The following IMPA1 variants were observed in gnomAD, a reference collection of about 807,000 sequenced individuals.
IMPA1 encodes the protein inositol monophosphatase 1.
A neutral mutation model predicts 34.9 loss-of-function variants in IMPA1; 21 were observed. The observed-to-expected ratio is 0.60, with a 90% CI of 0.43 to 0.87. The LOEUF (loss-of-function observed/expected upper bound fraction) is 0.87, where lower values mean the gene tolerates loss of function less well. Ranked by LOEUF, IMPA1 falls within the 40% of genes least tolerant of loss-of-function variation. The pLI is 0.00. For missense variants in IMPA1, 299 were observed against 336.4 expected (o/e 0.89, Z 0.87); for synonymous variants, 95 against 104.4 (o/e 0.91, Z 0.55).
chr8:81,662,608 A>G (rs1229866099), intron 7 of IMPA1, among the ~76,000 whole-genome samples: 5 of 152,214 alleles, frequency 3.3e-5, no homozygotes, highest in East Asian at 3.8e-4. Context: ...AACATGGCAC[A>G]TTGTAAAAAG....
intron 2 of IMPA1, 64 bp from the exon 3 acceptor site, chr8:81,680,847 T>C (rs1807278945): frequency 1.6e-6 from 2 of 1,221,516 alleles, no homozygotes; most frequent in African/African-American, 1.5e-5. Flanking sequence ...ATAAAATACA[T>C]AAATGGTTTA....
At chr8:81,675,589 T>G (rs1807108613) in intron 5 of IMPA1, among the ~76,000 whole-genome samples, 1 of 152,224 alleles carries the variant, frequency 6.6e-6, no homozygotes, top group Non-Finnish European at 1.5e-5. Flanking sequence ...GTGTTTTATA[T>G]TCAGAAATGT....
Position 81,673,706 on chromosome 8 carries a change from CA to C in IMPA1, c.457+134del, listed in dbSNP as rs562290806. 320 of 594,790 alleles carry C rather than the reference CA, an allele frequency of 5.4e-4. 3 individuals carry two copies. The African/African-American group carries it at 5.6e-3, about 11-fold the overall frequency. The allele number at this position is 594,790 out of a possible 1,614,324, so 36.8% of individuals were successfully genotyped here. On this transcript the variant is annotated intron_variant, in intron 6 of 8. Coordinates refer to ENST00000256108, the MANE Select transcript of IMPA1 (RefSeq NM_005536.4). ...TCCATTCCACATTCAAAGCTGAAGTCAAAAAGAATAAAGAGATAATAAACAC... is the reference window on the plus strand; with the variant it reads ...TCCATTCCACATTCAAAGCTGAAGTCAAAAGAATAAAGAGATAATAAACAC...
intron 7 of IMPA1, among the ~76,000 whole-genome samples, chr8:81,662,522 T>C (rs1563580396): frequency 6.6e-6 from 1 of 152,324 alleles, no homozygotes; most frequent in Middle Eastern, 3.4e-3. Flanking sequence ...AAGACTATGG[T>C]GTAGATTCTG....
intron 4 of IMPA1, among the ~76,000 whole-genome samples, chr8:81,677,655 AC>A (rs1807169414): frequency 6.6e-6 from 1 of 152,234 alleles, no homozygotes; most frequent in African/African-American, 2.4e-5. Flanking sequence ...GAAAATAAAA[AC>A]TTTTAAATAT....
At chr8:81,685,696 T>C (rs1049333016) in intron 1 of IMPA1, 5 of 676,126 alleles carry the variant, frequency 7.4e-6, no homozygotes, top group East Asian at 5.5e-5. Context: ...ATATATAATA[T>C]ATGAATAGTT....
At chr8:81,664,721 G>A (rs1367587445) in intron 7 of IMPA1, among the ~76,000 whole-genome samples, 2 of 151,974 alleles carry the variant, frequency 1.3e-5, no homozygotes, top group African/African-American at 4.8e-5. Flanking sequence ...GAACTAAGGG[G>A]TGCGGGGACG....
intron 1 of IMPA1, chr8:81,685,868 T>TCCCA (rs1359585245): frequency 6.5e-7 from 1 of 1,549,076 alleles, no homozygotes; most frequent in Admixed American, 2.0e-5. Context: ...TTGCCACCTG[T>TCCCA]CCCAGCACCG....
intron 1 of IMPA1, among the ~76,000 whole-genome samples, chr8:81,684,426 T>C (rs1585906501): frequency 6.9e-6 from 1 of 145,114 alleles, no homozygotes; most frequent in Non-Finnish European, 1.5e-5. Flanking sequence ...TATAGTATAC[T>C]ATACATAAGT....
In IMPA1 at chr8:81,657,288, A is replaced by G. The variant is rs145959111; in HGVS notation, c.*2063T>C. On this transcript the variant is annotated 3_prime_UTR_variant, in exon 9 of 9. Transcript: ENST00000256108. ...GTTTCAAATATTTGTAACTCAACACAAAAACCTCTAAAAGTATGTTGGGTG... is the reference window on the plus strand; with the variant it reads ...GTTTCAAATATTTGTAACTCAACACGAAAACCTCTAAAAGTATGTTGGGTG... Among the ~76,000 whole-genome samples the G allele has an allele frequency of 1.4e-4, 22 of 152,342 alleles. No individual in the cohort carries two copies. The highest frequency in any genetic ancestry group is 4.6e-4 in the African/African-American group (19 of 41,578).
Position 81,658,632 on chromosome 8 carries a change from C to G in IMPA1, c.*719G>C, listed in dbSNP as rs1806582532. ...AATGTATTCACTGCAGAAATGCCCA[C>G]AATAAGCCATGCTATCTGATGGTAT... On this transcript the variant is annotated 3_prime_UTR_variant, in exon 9 of 9. Coordinates refer to ENST00000256108, the MANE Select transcript of IMPA1 (RefSeq NM_005536.4). 6.6e-6 allele frequency: 1 copy of G among 152,466 alleles called. No individual in the cohort carries two copies. Among genetic ancestry groups the G allele is most frequent in the Non-Finnish European group, 1.5e-5 (1 of 68,002 alleles). The allele number at this position is 152,466 out of a possible 1,614,324, so 9.4% of individuals were successfully genotyped here.
intron 4 of IMPA1, among the ~76,000 whole-genome samples, chr8:81,677,142 C>A (rs1444325549): frequency 6.6e-6 from 1 of 151,226 alleles, no homozygotes; most frequent in African/African-American, 2.4e-5. Flanking sequence ...GTTGCCCAGG[C>A]TGGAGTGCAA....
In IMPA1 at chr8:81,671,969, G is replaced by A. The variant is rs142658959; in HGVS notation, c.458-922C>T. On this transcript the variant is annotated intron_variant, in intron 6 of 8. Transcript: ENST00000256108. ...AAGAATGACTATGCAAAGGAAAAGA[G>A]TTGTTTCTATCAAAGCTACCATATT... Among the ~76,000 whole-genome samples, 10 of 152,296 alleles carry A rather than the reference G, an allele frequency of 6.6e-5. No individual in the cohort carries two copies. The East Asian group carries it at 1.7e-3, about 26-fold the overall frequency.
At chr8:81,673,988 A>C in intron 5 of IMPA1, 39 bp from the exon 6 acceptor site, 4 of 1,216,400 alleles carry the variant, frequency 3.3e-6, no homozygotes, top group Non-Finnish European at 4.9e-6. Flanking sequence ...AAACCTAAGT[A>C]TGTTTCATCC....
At chr8:81,683,662 T>TA (rs1807370424) in intron 1 of IMPA1, among the ~76,000 whole-genome samples, 3 of 152,110 alleles carry the variant, frequency 2.0e-5, no homozygotes. Flanking sequence ...GAGGCCTCTG[T>TA]AAAATCAAAA....
chr8:81,670,130 A>G (rs1806944955), intron 7 of IMPA1, among the ~76,000 whole-genome samples: 1 of 152,242 alleles, frequency 6.6e-6, no homozygotes, highest in African/African-American at 2.4e-5. Flanking sequence ...AGTTTCAGGT[A>G]TTATAAGCAA....
intron 5 of IMPA1, among the ~76,000 whole-genome samples, chr8:81,675,281 G>C (rs1249032203): frequency 8.3e-6 from 1 of 120,948 alleles, no homozygotes; most frequent in African/African-American, 3.3e-5. Context: ...GAAACCCCTA[G>C]TTTTCTAAGG....
chr8:81,680,272 G>A (rs1365998544), intron 3 of IMPA1, among the ~76,000 whole-genome samples: 1 of 152,150 alleles, frequency 6.6e-6, no homozygotes, highest in African/African-American at 2.4e-5. Context: ...ACAAAACTTT[G>A]GAGACTAGTT....
chr8:81,677,471 G>T lies in IMPA1; in HGVS notation c.303-1192C>A, dbSNP rs549988850. 6.6e-5 allele frequency among the ~76,000 whole-genome samples: 10 copies of T among 152,252 alleles called. No individual in the cohort carries two copies. The South Asian group carries it at 2.1e-3, about 32-fold the overall frequency. On this transcript the variant is annotated intron_variant, in intron 4 of 8. Transcript: ENST00000256108. Reference sequence around the variant, plus strand: ...TGGACAAAATAAATGGCTGTTACTTGTCTCTACTCCAACAGCAAACTTTAG... The same window carrying T: ...TGGACAAAATAAATGGCTGTTACTTTTCTCTACTCCAACAGCAAACTTTAG...
Sources: allele counts gnomAD v4.1 joint callset (sites outside exome capture counted in the v4.1 genomes callset), GRCh38; gene constraint gnomAD v4.1.1; transcripts MANE v1.5; gene names NCBI Gene and HGNC (gene_info 2026-07-23, HGNC 2026-07-21).